The following CBFA2T3 variants were observed in gnomAD, a reference collection of about 807,000 sequenced individuals.
CBFA2T3 encodes the protein transcriptional corepressor CBFA2T3.
CBFA2T3 carries 31 observed loss-of-function variants against 58.6 expected under a neutral mutation model. That is an observed-to-expected ratio of 0.53 (90% confidence interval 0.40 to 0.71). CBFA2T3 has a LOEUF of 0.71. CBFA2T3 is among the 30% of genes least tolerant of loss of function. The pLI is 0.00. For synonymous variants in CBFA2T3, 531 were observed against 421.9 expected, an observed-to-expected ratio of 1.26 and a Z score of -3.17; for missense variants, 1,076 against 963.1, an observed-to-expected ratio of 1.12 and a Z score of -1.55.
intron 7 of CBFA2T3, 107 bp from the exon 8 acceptor site, chr16:88,882,868 G>A (rs947365395): frequency 3.4e-5 from 26 of 774,638 alleles, no homozygotes; most frequent in South Asian, 1.1e-4. Context: ...GGCTGTGCCC[G>A]CTGGGGACGA....
intron 1 of CBFA2T3, among the ~76,000 whole-genome samples, chr16:88,922,868 G>A (rs1378392413): frequency 6.6e-6 from 1 of 152,212 alleles, no homozygotes; most frequent in African/African-American, 2.4e-5. Context: ...CACCCAGGAG[G>A]CTGTTCTGTT....
In CBFA2T3 at chr16:88,892,289, G is replaced by A; in HGVS notation, c.576C>T (p.Ser192=). Residue 192 remains serine (S), a synonymous_variant, in exon 4 of 12, where the codon TCC becomes TCT. Transcript: ENST00000268679. ...TTLQQFGSDI[S]PEIGERVRTL... is the part of the protein sequence containing the mutation. ...TGCGCACGCGCTCCCCAATCTCTGG[G>A]GAGATGTCGCTGCCAAACTGCTGCA... 1 of 1,612,594 alleles carries A rather than the reference G, an allele frequency of 6.2e-7. No homozygotes were observed. The highest frequency in any genetic ancestry group is 8.5e-7 in the Non-Finnish European group (1 of 1,179,968).
At chr16:88,932,398 G>A (rs953044599) in intron 1 of CBFA2T3, among the ~76,000 whole-genome samples, 1 of 152,134 alleles carries the variant, frequency 6.6e-6, no homozygotes, top group Non-Finnish European at 1.5e-5. Flanking sequence ...ACTTTGGGAG[G>A]CTGAGGTGGG....
At position 88,917,954 on chromosome 16, in the gene CBFA2T3, G is replaced by A. The variant is rs138076420; in HGVS notation, c.152-16298C>T. ...AGGGACCCCAGGAGACGGTGCAGGC[G>A]AAACCCACAAATCCTAGCAGCCCAG... On this transcript the variant is annotated intron_variant, in intron 1 of 11. Coordinates refer to ENST00000268679, the MANE Select transcript of CBFA2T3 (RefSeq NM_005187.6). Among the ~76,000 whole-genome samples the A allele has an allele frequency of 5.0e-4, 76 of 152,292 alleles. No individual in the cohort carries two copies. In the East Asian group the frequency reaches 0.01, roughly 21 times the overall value.
intron 1 of CBFA2T3, among the ~76,000 whole-genome samples, chr16:88,973,395 G>T (rs1972705985): frequency 6.6e-6 from 1 of 152,212 alleles, no homozygotes; most frequent in Non-Finnish European, 1.5e-5. Context: ...ACCTGGAGGA[G>T]CACGGCCATC....
chr16:88,950,499 T>G (rs1597782465), intron 1 of CBFA2T3: 3 of 380,882 alleles, frequency 7.9e-6, no homozygotes, highest in African/African-American at 3.4e-5. Flanking sequence ...CCACAGAGGG[T>G]CAGGAGTGTT....
chr16:88,976,050 G>C (rs1040393346), intron 1 of CBFA2T3, among the ~76,000 whole-genome samples: 2 of 152,212 alleles, frequency 1.3e-5, no homozygotes, highest in Admixed American at 1.3e-4. Flanking sequence ...GCTCGGGTGG[G>C]GGGTATCAGC....
chr16:88,941,605 A>G (rs939978987), intron 1 of CBFA2T3, among the ~76,000 whole-genome samples: 1 of 143,336 alleles, frequency 7.0e-6, no homozygotes, highest in African/African-American at 2.6e-5. Flanking sequence ...GGGCGCGGGG[A>G]GGGGGCGACG....
Position 88,884,907 on chromosome 16 carries a change from G to C in CBFA2T3, c.1117+139C>G, listed in dbSNP as rs532316530. ...CCGCTCTGCTCCAGGGGGAATGCCA[G>C]GCAGGGGGAAGGGGTCTCCCGAGCT... On this transcript the variant is annotated intron_variant, in intron 7 of 11. Coordinates refer to ENST00000268679, the MANE Select transcript of CBFA2T3 (RefSeq NM_005187.6). 6.3e-6 allele frequency: 4 copies of C among 639,172 alleles called. No individual in the cohort carries two copies. In the African/African-American group the frequency reaches 7.5e-5, roughly 12 times the overall value. The allele number at this position is 639,172 out of a possible 1,614,324, so 39.6% of individuals were successfully genotyped here.
chr16:88,903,659 T>TG (rs34558819), intron 1 of CBFA2T3, among the ~76,000 whole-genome samples: 15,617 of 75,716 alleles, frequency 0.21, 1,692 homozygotes, highest in Non-Finnish European at 0.26. Context: ...TGTTCCCGGC[T>TG]GGGGGGGGGG....
intron 1 of CBFA2T3, among the ~76,000 whole-genome samples, chr16:88,945,456 A>C (rs898455485): frequency 1.3e-5 from 2 of 152,260 alleles, no homozygotes; most frequent in Non-Finnish European, 2.9e-5. Context: ...AAGAACTCTT[A>C]AAACCAAACC....
At chr16:88,932,069 A>C (rs895440552) in intron 1 of CBFA2T3, among the ~76,000 whole-genome samples, 4 of 152,054 alleles carry the variant, frequency 2.6e-5, no homozygotes, top group Non-Finnish European at 5.9e-5. Flanking sequence ...GACTTTACAC[A>C]CATGCACCTG....
At chr16:88,972,881 C>T (rs1408820289) in intron 1 of CBFA2T3, among the ~76,000 whole-genome samples, 1 of 152,214 alleles carries the variant, frequency 6.6e-6, no homozygotes, top group Non-Finnish European at 1.5e-5. Context: ...ACTTTGCTCA[C>T]AGACACAGGT....
In CBFA2T3 at chr16:88,907,783, G is replaced by C. The variant is rs531178505; in HGVS notation, c.152-6127C>G. Among the ~76,000 whole-genome samples, 4 of 152,296 alleles carry C rather than the reference G, an allele frequency of 2.6e-5. No homozygotes were observed. The South Asian group carries it at 8.3e-4, about 32-fold the overall frequency. ...TGACTGACGGTGGCATCTTCTAATT[G>C]TCCCCTCACCCCAGAGCAGGGGCTT... On this transcript the variant is annotated intron_variant, in intron 1 of 11. Coordinates refer to ENST00000268679, the MANE Select transcript of CBFA2T3 (RefSeq NM_005187.6).
chr16:88,915,004 CG>C (rs1239948920), intron 1 of CBFA2T3, among the ~76,000 whole-genome samples: 1 of 104,208 alleles, frequency 9.6e-6, no homozygotes, highest in East Asian at 3.0e-4. Context: ...GGCTGCCAGC[CG>C]GGGGCAGGGG....
At position 88,875,384 on chromosome 16, in the gene CBFA2T3, G is replaced by A. The variant is rs181804276; in HGVS notation, c.*1592C>T. 961 of 233,562 alleles carry A rather than the reference G, an allele frequency of 4.1e-3. 5 individuals are homozygous for A. Among genetic ancestry groups the A allele is most frequent in the African/African-American group, 0.015 (680 of 45,350 alleles). The allele number at this position is 233,562 out of a possible 1,614,324, so 14.5% of individuals were successfully genotyped here. A position where few individuals can be genotyped will look rare whatever the true frequency, so the allele number is the denominator to read the frequency against. Reference sequence around the variant, plus strand: ...GGAGGGAGCACGTCTGATAGAAAACGTCACCGAGACACACCCCAGGGCCAG... The same window carrying A: ...GGAGGGAGCACGTCTGATAGAAAACATCACCGAGACACACCCCAGGGCCAG... On this transcript the variant is annotated 3_prime_UTR_variant, in exon 12 of 12. Transcript: ENST00000268679.
chr16:88,969,159 C>T (rs1446084996), intron 1 of CBFA2T3, among the ~76,000 whole-genome samples: 4 of 152,216 alleles, frequency 2.6e-5, no homozygotes, highest in African/African-American at 4.8e-5. Flanking sequence ...CCGGGGTCAC[C>T]GCCATCTGGA....
At chr16:88,904,991 ACT>A (rs577455028) in intron 1 of CBFA2T3, among the ~76,000 whole-genome samples, 224 of 152,154 alleles carry the variant, frequency 1.5e-3, no homozygotes, top group Middle Eastern at 6.8e-3. Context: ...CCTGGCACAG[ACT>A]CTACCCGAGA....
chr16:88,881,642 T>C (rs1229580969), intron 8 of CBFA2T3, 153 bp from the exon 9 acceptor site: 5 of 725,328 alleles, frequency 6.9e-6, no homozygotes, highest in Non-Finnish European at 1.1e-5. Context: ...CCCACCTCCA[T>C]GGCTTGCAAA....
Sources: gnomAD v4.1 joint callset for allele counts (sites outside exome capture counted in the v4.1 genomes callset) on GRCh38, gnomAD v4.1.1 for gene constraint, MANE v1.5 for transcripts, NCBI Gene and HGNC (gene_info 2026-07-23, HGNC 2026-07-21) for gene names.